TANC1: variants seen among roughly 807,000 people sequenced by gnomAD.
TANC1 encodes tetratricopeptide repeat, ankyrin repeat and coiled-coil containing 1.
In TANC1, 77 loss-of-function variants were observed where a neutral mutation model predicts 149.7. That is an observed-to-expected ratio of 0.51 (90% CI 0.43 to 0.62). The LOEUF is 0.62. Ranked by LOEUF, TANC1 falls within the 20% of genes least tolerant of loss-of-function variation. TANC1 has a pLI of 0.00. For missense variants in TANC1, 1,985 were observed against 2,321.8 expected, an observed-to-expected ratio of 0.85 and a Z score of 2.98; for synonymous variants, 854 against 925.0, an observed-to-expected ratio of 0.92 and a Z score of 1.39.
At chr2:159,193,801 G>A (rs1223796994) in intron 16 of TANC1, among the ~76,000 whole-genome samples, 2 of 152,110 alleles carry the variant, frequency 1.3e-5, no homozygotes, top group African/African-American at 4.8e-5. Flanking sequence ...AATTACAGGC[G>A]TGAGCCACCG....
chr2:159,098,192 G>A (rs1451360849), intron 4 of TANC1, among the ~76,000 whole-genome samples: 1 of 152,134 alleles, frequency 6.6e-6, no homozygotes, highest in East Asian at 1.9e-4. Context: ...GTATGATGGT[G>A]GTCCCATGAG....
chr2:159,025,188 C>CTTTTCT (rs1417574114), intron 2 of TANC1, among the ~76,000 whole-genome samples: 10 of 52,170 alleles, frequency 1.9e-4, no homozygotes, highest in African/African-American at 4.9e-4. Flanking sequence ...CTTTTTCTTT[C>CTTTTCT]TTTTCTTTCT....
intron 2 of TANC1, among the ~76,000 whole-genome samples, chr2:159,038,094 G>C (rs1271825362): frequency 1.3e-5 from 2 of 152,006 alleles, no homozygotes; most frequent in Non-Finnish European, 2.9e-5. Flanking sequence ...TGTATTCCTA[G>C]GTATTTTATT....
chr2:159,022,829 C>CT (rs1182599792), intron 2 of TANC1, among the ~76,000 whole-genome samples: 1 of 152,154 alleles, frequency 6.6e-6, no homozygotes, highest in African/African-American at 2.4e-5. Flanking sequence ...AGCACACAGG[C>CT]TTTGTAGCTC....
At chr2:159,221,181 G>C (rs1266711561) in intron 22 of TANC1, among the ~76,000 whole-genome samples, 1 of 152,072 alleles carries the variant, frequency 6.6e-6, no homozygotes, top group African/African-American at 2.4e-5. Flanking sequence ...AGGAGTTCGA[G>C]ATCAAGTGAA....
intron 4 of TANC1, among the ~76,000 whole-genome samples, chr2:159,119,233 A>C (rs946179456): frequency 6.6e-6 from 1 of 152,202 alleles, no homozygotes; most frequent in Non-Finnish European, 1.5e-5. Context: ...CAGGGAGTCT[A>C]CTGAAGTCCA....
chr2:159,204,280 G>A (rs140623558), intron 19 of TANC1, among the ~76,000 whole-genome samples: 46 of 152,304 alleles, frequency 3.0e-4, no homozygotes, highest in African/African-American at 9.9e-4. Context: ...AGGGGGAGCA[G>A]TAAGGGGCCT....
At chr2:158,969,320 C>T (rs1300021450) in intron 1 of TANC1, among the ~76,000 whole-genome samples, 4 of 152,232 alleles carry the variant, frequency 2.6e-5, no homozygotes, top group African/African-American at 9.6e-5. Flanking sequence ...AGAACTTAAG[C>T]CGGAGGCATG....
chr2:159,210,412 G>A (rs1015181084), intron 19 of TANC1, among the ~76,000 whole-genome samples: 1 of 152,076 alleles, frequency 6.6e-6, no homozygotes, highest in African/African-American at 2.4e-5. Flanking sequence ...CTGTGTCCCC[G>A]GCAAGTTGAC....
intron 1 of TANC1, among the ~76,000 whole-genome samples, chr2:158,974,263 C>G (rs2033325620): frequency 6.6e-6 from 1 of 152,096 alleles, no homozygotes; most frequent in Admixed American, 6.5e-5. Context: ...TTACATGATT[C>G]ATTGAGGGCC....
chr2:159,128,920 A>G (rs1305623432), intron 4 of TANC1, among the ~76,000 whole-genome samples: 1 of 152,168 alleles, frequency 6.6e-6, no homozygotes, highest in Non-Finnish European at 1.5e-5. Context: ...TGCCTTAGTG[A>G]TAAAGGTTCC....
intron 2 of TANC1, among the ~76,000 whole-genome samples, chr2:159,052,547 T>C (rs556676981): frequency 6.5e-4 from 99 of 152,318 alleles, no homozygotes; most frequent in African/African-American, 2.3e-3. Context: ...GTGAGCCAAA[T>C]AGAAGTTTAT....
At chr2:159,151,519 T>G (rs2150326243) in intron 7 of TANC1, among the ~76,000 whole-genome samples, 1 of 152,382 alleles carries the variant, frequency 6.6e-6, no homozygotes, top group Middle Eastern at 3.4e-3. Flanking sequence ...TGCTTTATTG[T>G]GGACTGAGTG....
chr2:159,065,407 A>G (rs1460580720), intron 2 of TANC1, among the ~76,000 whole-genome samples: 1 of 152,250 alleles, frequency 6.6e-6, no homozygotes, highest in Non-Finnish European at 1.5e-5. Context: ...TTTATAAGAT[A>G]TGCCTCATTT....
Position 159,231,210 on chromosome 2 carries a change from C to A in TANC1, c.*198C>A. ...AATCACCATAAATAAGAATGCTAAA[C>A]AGAATTGAAAATTATATCAACTTAA... On this transcript the variant is annotated 3_prime_UTR_variant, in exon 27 of 27. Coordinates refer to ENST00000263635, the MANE Select transcript of TANC1 (RefSeq NM_033394.3). The A allele has an allele frequency of 3.9e-6, 2 of 513,526 alleles. No homozygotes were observed. Among genetic ancestry groups the A allele is most frequent in the Non-Finnish European group, 6.8e-6 (2 of 292,830 alleles). The allele number at this position is 513,526 out of a possible 1,614,324, so 31.8% of individuals were successfully genotyped here. A position where few individuals can be genotyped will look rare whatever the true frequency, so the allele number is the denominator to read the frequency against.
intron 3 of TANC1, among the ~76,000 whole-genome samples, chr2:159,068,941 A>G (rs2042906911): frequency 6.6e-6 from 1 of 152,132 alleles, no homozygotes; most frequent in African/African-American, 2.4e-5. Flanking sequence ...GGGTTTCTCC[A>G]TGTTGGCCAG....
chr2:159,026,254 A>G (rs2039332049), intron 2 of TANC1, among the ~76,000 whole-genome samples: 1 of 152,104 alleles, frequency 6.6e-6, no homozygotes, highest in Non-Finnish European at 1.5e-5. Flanking sequence ...TTTAGCTTCT[A>G]GTGTTTAGTT....
intron 2 of TANC1, among the ~76,000 whole-genome samples, chr2:159,036,298 G>A (rs2040188197): frequency 1.3e-5 from 2 of 152,142 alleles, no homozygotes; most frequent in Admixed American, 1.3e-4. Context: ...AAAACCTAGG[G>A]TGCTTAGAAG....
chr2:159,107,777 C>G (rs767713912), intron 4 of TANC1, among the ~76,000 whole-genome samples: 5 of 152,230 alleles, frequency 3.3e-5, no homozygotes, highest in Non-Finnish European at 7.3e-5. Context: ...CAGCCTTTCT[C>G]TGTGCCTCTC....
Sources: gnomAD v4.1 joint callset for allele counts (sites outside exome capture counted in the v4.1 genomes callset) on GRCh38, gnomAD v4.1.1 for gene constraint, MANE v1.5 for transcripts, NCBI Gene and HGNC (gene_info 2026-07-23, HGNC 2026-07-21) for gene names.